The following FKBP15 variants were observed in gnomAD, a reference collection of about 807,000 sequenced individuals.
FKBP15 encodes the protein FKBP prolyl isomerase family member 15.
In FKBP15, 106 loss-of-function variants were observed where a neutral mutation model predicts 158.1. The ratio of observed to expected loss-of-function variants is 0.67; its 90% CI spans 0.57 to 0.79. The LOEUF (loss-of-function observed/expected upper bound fraction) is 0.79, where lower values mean the gene tolerates loss of function less well. FKBP15 is among the 30% of genes least tolerant of loss of function. FKBP15 has a pLI of 0.00. For synonymous variants in FKBP15, 547 were observed against 548.6 expected, an observed-to-expected ratio of 1.00 and a Z score of 0.04; for missense variants, 1,287 against 1,479.1, an observed-to-expected ratio of 0.87 and a Z score of 2.13.
rs374357809 is a variant in FKBP15 at position 113,186,302 on chromosome 9, T to A, written c.1445A>T (p.Gln482Leu). The change falls in exon 15 of 28, where the codon CAG (glutamine) becomes CTG (leucine). Residue 482 changes from glutamine to leucine, a missense_variant. Gln to Leu is a moderately radical substitution (Grantham distance 113). Coordinates refer to ENST00000238256, the MANE Select transcript of FKBP15 (RefSeq NM_015258.2). The part of the protein sequence containing the change: ...PQASAVTSQL[Q>L]PVRPLYPAPL... ...TGCTGGGTACAAAGGCCGAACGGGC[T>A]GCAGCTGGGAGGTGACGGCAGATGC... 6.4e-7 allele frequency: 1 copy of A among 1,571,794 alleles called. No individual in the cohort carries two copies. The highest frequency in any genetic ancestry group is 1.4e-5 in the African/African-American group (1 of 74,068).
At chr9:113,192,062 T>C (rs1035598604) in intron 11 of FKBP15, among the ~76,000 whole-genome samples, 3 of 151,330 alleles carry the variant, frequency 2.0e-5, no homozygotes, top group Non-Finnish European at 4.4e-5. Flanking sequence ...GAAAAATAGT[T>C]GGAGGCCATT....
rs1456231305 is a variant in FKBP15, at chr9:113,194,246, T to A, written c.865-77A>T. Reference sequence around the variant, plus strand: ...TCACATGGACACAGGAAGGGGAACATCACACTCTGGGGACTGTTGTCGGGT... The same window carrying A: ...TCACATGGACACAGGAAGGGGAACAACACACTCTGGGGACTGTTGTCGGGT... On this transcript the variant is annotated intron_variant, in intron 9 of 27. Transcript: ENST00000238256. 13 of 1,146,004 alleles carry A rather than the reference T, an allele frequency of 1.1e-5. No individual in the cohort carries two copies. The East Asian group carries it at 3.6e-4, about 31-fold the overall frequency. The allele number at this position is 1,146,004 out of a possible 1,614,324, so 71.0% of individuals were successfully genotyped here. A position where few individuals can be genotyped will look rare whatever the true frequency, so the allele number is the denominator to read the frequency against.
intron 9 of FKBP15, among the ~76,000 whole-genome samples, chr9:113,194,666 T>C (rs1345655325): frequency 1.3e-5 from 2 of 152,172 alleles, no homozygotes; most frequent in Non-Finnish European, 2.9e-5. Context: ...TTTACAAAAA[T>C]GGGCCATGCT....
intron 21 of FKBP15, among the ~76,000 whole-genome samples, chr9:113,175,962 T>C (rs1322889005): frequency 1.3e-5 from 2 of 152,202 alleles, no homozygotes; most frequent in Admixed American, 1.3e-4. Flanking sequence ...TTTATAAAAA[T>C]TCAAATATGT....
At chr9:113,216,259 A>G (rs1030893495) in intron 1 of FKBP15, among the ~76,000 whole-genome samples, 1 of 152,120 alleles carries the variant, frequency 6.6e-6, no homozygotes, top group African/African-American at 2.4e-5. Flanking sequence ...AAACATTGAA[A>G]CTTCCCAACA....
At chr9:113,175,474 AT>A (rs1211043905) in intron 21 of FKBP15, among the ~76,000 whole-genome samples, 3 of 152,210 alleles carry the variant, frequency 2.0e-5, no homozygotes, top group African/African-American at 7.2e-5. Context: ...ACCTAATGAG[AT>A]TTACTGAAGC....
chr9:113,202,852 C>T lies in FKBP15; in HGVS notation c.399+109G>A, dbSNP rs187127308. ...AGGTTCTGTTAGATACTCACAAGGA[C>T]ACCCAGGGCTGAACCAGTGGATCTA... On this transcript the variant is annotated intron_variant, in intron 5 of 27. Coordinates refer to ENST00000238256, the MANE Select transcript of FKBP15 (RefSeq NM_015258.2). 1.6e-3 allele frequency: 1,505 copies of T among 929,494 alleles called. 2 individuals carry two copies. The highest frequency in any genetic ancestry group is 2.1e-3 in the Non-Finnish European group (1,255 of 598,124). 57.6% of individuals were successfully genotyped at this position (929,494 alleles called of 1,614,324 possible).
chr9:113,184,372 C>T lies in FKBP15; in HGVS notation c.1636G>A (p.Gly546Ser). 4 of 1,606,232 alleles carry T rather than the reference C, an allele frequency of 2.5e-6. 1 individual carries two copies. The South Asian group carries it at 4.5e-5, about 18-fold the overall frequency. ...KVEELQKHSA[G>S]NSMLIPSMSV... is the part of the protein sequence containing the mutation. Reference sequence around the variant, plus strand: ...ATGCTAGGAATAAGCATGGAATTGCCAGCACTATGTTTCTGTAACTCTTCA... The same window carrying T: ...ATGCTAGGAATAAGCATGGAATTGCTAGCACTATGTTTCTGTAACTCTTCA... The change falls in exon 17 of 28, where the codon GGC becomes AGC. Residue 546 changes from glycine (G) to serine (S), a missense_variant. By Grantham distance (56) the Gly-to-Ser change is moderately conservative (BLOSUM62 0). Coordinates refer to ENST00000238256, the MANE Select transcript of FKBP15 (RefSeq NM_015258.2). The surrounding 1 kb of genome is among the most constrained non-coding windows in gnomAD (Gnocchi z 4.5).
chr9:113,203,621 G>A (rs916230369), intron 4 of FKBP15, among the ~76,000 whole-genome samples: 4 of 151,396 alleles, frequency 2.6e-5, no homozygotes, highest in Non-Finnish European at 4.4e-5. Flanking sequence ...ACTGCCTCCC[G>A]GGTTCAAGCA....
intron 1 of FKBP15, among the ~76,000 whole-genome samples, chr9:113,220,401 G>A (rs953096896): frequency 1.3e-5 from 2 of 152,158 alleles, no homozygotes. Context: ...TACTAAAAGA[G>A]ACAAAACCCT....
rs1265372467 is a variant in FKBP15, at chr9:113,205,632, A to G, written c.324+877T>C. Among the ~76,000 whole-genome samples the G allele has an allele frequency of 2.0e-5, 3 of 152,224 alleles. No individual in the cohort carries two copies. In the East Asian group the frequency reaches 5.8e-4, roughly 29 times the overall value. On this transcript the variant is annotated intron_variant, in intron 4 of 27. Coordinates refer to ENST00000238256, the MANE Select transcript of FKBP15 (RefSeq NM_015258.2). The stretch of plus-strand genomic sequence containing the variant: ...GCAGTTTCTCAAAAAGTGGTACATA[A>G]AATTACCATACGAGTCAGCAATTTC...
chr9:113,184,660 C>A lies in FKBP15; in HGVS notation c.1608+35G>T, dbSNP rs1026970445. 2.6e-6 allele frequency: 4 copies of A among 1,525,362 alleles called. No individual in the cohort carries two copies. In the African/African-American group the frequency reaches 5.4e-5, roughly 21 times the overall value. The allele number at this position is 1,525,362 out of a possible 1,614,324, so 94.5% of individuals were successfully genotyped here. ...TCTGGCTGCTCCCTGTTTACATCCC[C>A]ACTTTCAACATCACCCCAACTCTGA... On this transcript the variant is annotated intron_variant, in intron 16 of 27. Transcript: ENST00000238256. This position sits in a 1 kb window ranked among gnomAD's most constrained non-coding sequence, Gnocchi z 4.5.
chr9:113,167,833 G>A (rs1246824281), intron 27 of FKBP15, among the ~76,000 whole-genome samples: 2 of 152,200 alleles, frequency 1.3e-5, no homozygotes, highest in East Asian at 3.8e-4. Flanking sequence ...GTCCCTATCA[G>A]TGCCCTCCTC....
chr9:113,183,890 A>G (rs10981674), intron 17 of FKBP15, 45 bp from the exon 18 acceptor site: 97,449 of 1,431,908 alleles, frequency 0.068, 3,864 homozygotes, highest in South Asian at 0.14. Flanking sequence ...TCTTGGGAGA[A>G]AAGTGCCAGA....
At chr9:113,187,739 G>C (rs772754766) in intron 14 of FKBP15, 54 bp downstream of exon 14, 1 of 1,372,852 alleles carries the variant, frequency 7.3e-7, no homozygotes, top group Non-Finnish European at 1.0e-6. Flanking sequence ...AAAAGAGACT[G>C]ACTAGAACCA....
Position 113,161,744 on chromosome 9 carries a change from CCT to C in FKBP15, c.*4332_*4333del, listed in dbSNP as rs774588092. 17 of 1,593,874 alleles carry C rather than the reference CCT, an allele frequency of 1.1e-5. 1 individual carries two copies. In the South Asian group the frequency reaches 1.9e-4, roughly 18 times the overall value. ...AAAGGGGCAGAAGCCTCACATTCAC[CCT>C]GAGAGACAGGCTGGCCCAGACAGCA... On this transcript the variant is annotated 3_prime_UTR_variant, in exon 28 of 28. Transcript: ENST00000238256.
Position 113,180,400 on chromosome 9 carries a change from A to ATGTG in FKBP15, c.1915-1603_1915-1600dup, listed in dbSNP as rs61018100. 5.3e-3 allele frequency among the ~76,000 whole-genome samples: 791 copies of ATGTG among 150,092 alleles called. 8 individuals carry two copies. The highest frequency in any genetic ancestry group is 0.017 in the African/African-American group (679 of 40,718). ...ATGCAACTTTTATGATCAGAAAAAA[A>ATGTG]TGTGTGTGTGTGTGTGTGTGTGTGT... On this transcript the variant is annotated intron_variant, in intron 19 of 27. Transcript: ENST00000238256.
rs1830051142 is a variant in FKBP15 at position 113,163,596 on chromosome 9, T to C, written c.*2482A>G. 1.3e-5 allele frequency: 2 copies of C among 152,538 alleles called. No individual in the cohort carries two copies. Among genetic ancestry groups the C allele is most frequent in the Non-Finnish European group, 2.9e-5 (2 of 68,040 alleles). 9.4% of individuals were successfully genotyped at this position (152,538 alleles called of 1,614,324 possible). ...AACTGCTGAGACCTATTTCCCTTTC[T>C]TGGGGAGAGAATAAGTGACAGCTGA... On this transcript the variant is annotated 3_prime_UTR_variant, in exon 28 of 28. Transcript: ENST00000238256.
intron 1 of FKBP15, among the ~76,000 whole-genome samples, chr9:113,216,944 C>A (rs533874212): frequency 1.4e-5 from 2 of 142,350 alleles, no homozygotes; most frequent in South Asian, 2.2e-4. Context: ...TTGCTCTTGG[C>A]GTCCAGGCTG....
Sources: gnomAD v4.1 joint callset for allele counts (sites outside exome capture counted in the v4.1 genomes callset) on GRCh38, gnomAD v4.1.1 for gene constraint, Gnocchi (gnomAD v3.1) non-coding constraint, MANE v1.5 for transcripts, NCBI Gene and HGNC (gene_info 2026-07-23, HGNC 2026-07-21) for gene names.